SMC6: variants seen among roughly 807,000 people sequenced by gnomAD.
SMC6 encodes structural maintenance of chromosomes 6, also known as structural maintenance of chromosomes protein 6.
SMC6 carries 79 observed loss-of-function variants against 142.2 expected under a neutral mutation model. That is an observed-to-expected ratio of 0.56 (90% CI 0.46 to 0.67). The LOEUF is 0.67. SMC6 is among the 30% of genes least tolerant of loss of function. SMC6 has a pLI of 0.00. For synonymous variants in SMC6, 411 were observed against 412.4 expected, an observed-to-expected ratio of 1.00 and a Z score of 0.04; for missense variants, 1,072 against 1,284.0, an observed-to-expected ratio of 0.83 and a Z score of 2.52.
chr2:17,752,657 G>A lies in SMC6; in HGVS notation c.-6+321C>T, dbSNP rs548903727. On this transcript the variant is annotated intron_variant, in intron 2 of 27. Coordinates refer to ENST00000448223, the MANE Select transcript of SMC6 (RefSeq NM_001142286.2). ...TTCCAACATAAAATTAATACCCTAT[G>A]TTTCACGTAGAAATCAAATGAAATA... Among the ~76,000 whole-genome samples the A allele has an allele frequency of 2.6e-5, 4 of 152,250 alleles. No individual in the cohort carries two copies. The South Asian group carries it at 8.3e-4, about 32-fold the overall frequency.
intron 16 of SMC6, among the ~76,000 whole-genome samples, chr2:17,714,092 GT>G (rs10574833): frequency 0.32 from 44,741 of 138,804 alleles, 6,744 homozygotes; most frequent in African/African-American, 0.4. Flanking sequence ...TGTTTTTTTT[GT>G]TTTTTTTTTT....
chr2:17,752,039 T>C (rs1671066317), intron 2 of SMC6, among the ~76,000 whole-genome samples: 1 of 152,236 alleles, frequency 6.6e-6, no homozygotes, highest in Non-Finnish European at 1.5e-5. Flanking sequence ...CAATACTAAC[T>C]GGTTTATACG....
At chr2:17,702,856 C>T (rs1668337123) in intron 19 of SMC6, among the ~76,000 whole-genome samples, 1 of 152,216 alleles carries the variant, frequency 6.6e-6, no homozygotes. Context: ...CCATGTGAAA[C>T]TCTCAGTCCA....
At chr2:17,685,406 G>A (rs78765758) in intron 23 of SMC6, among the ~76,000 whole-genome samples, 1,944 of 152,146 alleles carry the variant, frequency 0.013, 21 homozygotes, top group East Asian at 0.03. Context: ...GAAAAAGTAT[G>A]AGCTAAGGAT....
chr2:17,719,551 G>T (rs1158357708), intron 11 of SMC6, among the ~76,000 whole-genome samples: 1 of 152,206 alleles, frequency 6.6e-6, no homozygotes, highest in Non-Finnish European at 1.5e-5. Context: ...TTAAAAAAGA[G>T]GTGAGCATCT....
In SMC6 at chr2:17,703,228, C is replaced by T. The variant is rs1065381; in HGVS notation, c.2071G>A (p.Ala691Thr). Residue 691 changes from alanine (A) to threonine (T), a missense_variant, in exon 19 of 28, where the codon GCC becomes ACC. Ala to Thr is a moderately conservative substitution (Grantham distance 58). Transcript: ENST00000448223. ...QILNLQQHLS[A>T]LEKDIKHNEE... ...TTGTGTTTAATATCTTTTTCAAGGG[C>T]AGATAAATGTTGCTGAAGATTTAAT... The T allele has an allele frequency of 0.3, 481,183 of 1,594,762 alleles. 78,156 individuals are homozygous for T. Among genetic ancestry groups the T allele is most frequent in the Non-Finnish European group, 0.33 (382,197 of 1,166,678 alleles).
chr2:17,704,067 A>T (rs1668393019), intron 18 of SMC6, among the ~76,000 whole-genome samples: 1 of 151,916 alleles, frequency 6.6e-6, no homozygotes, highest in Non-Finnish European at 1.5e-5. Flanking sequence ...ATAGTGGTAG[A>T]CAGAAGTAGA....
chr2:17,692,320 A>G (rs1289558172), intron 23 of SMC6, among the ~76,000 whole-genome samples: 5 of 152,252 alleles, frequency 3.3e-5, no homozygotes, highest in Non-Finnish European at 7.3e-5. Flanking sequence ...ACAAGGCTAC[A>G]GTAACCAAAA....
At chr2:17,686,422 C>T (rs771465538) in intron 23 of SMC6, among the ~76,000 whole-genome samples, 1 of 152,114 alleles carries the variant, frequency 6.6e-6, no homozygotes, top group Non-Finnish European at 1.5e-5. Flanking sequence ...GCAGAGGTTG[C>T]AGTGAGCCAA....
At chr2:17,671,626 A>G (rs1359394180) in intron 25 of SMC6, among the ~76,000 whole-genome samples, 1 of 151,168 alleles carries the variant, frequency 6.6e-6, no homozygotes, top group East Asian at 1.9e-4. Context: ...AAAAAAAAAA[A>G]AAAAAAATTT....
chr2:17,713,810 T>G (rs1248660076), intron 16 of SMC6, among the ~76,000 whole-genome samples: 3 of 152,242 alleles, frequency 2.0e-5, no homozygotes, highest in African/African-American at 7.2e-5. Context: ...TCCACGCATT[T>G]TGCACACAGA....
intron 21 of SMC6, among the ~76,000 whole-genome samples, chr2:17,699,599 A>T (rs2124930700): frequency 6.6e-6 from 1 of 152,226 alleles, no homozygotes; most frequent in East Asian, 1.9e-4. Context: ...ATTCTGTTAT[A>T]GTTTCACAGG....
At chr2:17,694,352 CAT>C (rs999789906) in intron 23 of SMC6, among the ~76,000 whole-genome samples, 6 of 152,152 alleles carry the variant, frequency 3.9e-5, no homozygotes, top group Admixed American at 2.6e-4. Flanking sequence ...AACATAAAGA[CAT>C]AATAAATGTT....
chr2:17,731,059 A>G lies in SMC6; in HGVS notation c.543+19T>C, dbSNP rs1214513173. 1.9e-6 allele frequency: 3 copies of G among 1,597,602 alleles called. No homozygotes were observed. The highest frequency in any genetic ancestry group is 2.6e-6 in the Non-Finnish European group (3 of 1,168,502). ...GACAAGGTGTATGAATTAATCTGAA[A>G]CACAAATTCACCAATTACCTGGATG... On this transcript the variant is annotated intron_variant, in intron 7 of 27. Coordinates refer to ENST00000448223, the MANE Select transcript of SMC6 (RefSeq NM_001142286.2).
chr2:17,672,229 C>T (rs570632957), intron 25 of SMC6, among the ~76,000 whole-genome samples: 3 of 152,258 alleles, frequency 2.0e-5, no homozygotes, highest in South Asian at 2.1e-4. Flanking sequence ...CTAGCTTTTA[C>T]CCTCTCATCT....
intron 23 of SMC6, among the ~76,000 whole-genome samples, chr2:17,684,173 C>G (rs1269465686): frequency 6.6e-6 from 1 of 152,166 alleles, no homozygotes; most frequent in Non-Finnish European, 1.5e-5. Flanking sequence ...TTAGAATCCA[C>G]CCTCCCCTGT....
intron 16 of SMC6, among the ~76,000 whole-genome samples, chr2:17,711,212 T>A (rs1668810650): frequency 6.6e-6 from 1 of 152,182 alleles, no homozygotes; most frequent in Non-Finnish European, 1.5e-5. Flanking sequence ...CACAACTACC[T>A]CTTCCTTTTG....
In SMC6 at chr2:17,716,158, G is replaced by C. The variant is rs1283073610; in HGVS notation, c.1453C>G (p.Pro485Ala). 2 of 1,612,190 alleles carry C rather than the reference G, an allele frequency of 1.2e-6. No homozygotes were observed. Among genetic ancestry groups the C allele is most frequent in the Admixed American group, 3.4e-5 (2 of 59,344 alleles). ...DRLKRFGPNVPALLEAIDDAY... is the reference protein window; with the variant it reads ...DRLKRFGPNVAALLEAIDDAY... ...TCATCTATGGCTTCAAGAAGAGCTG[G>C]AACATTAGGGCCAAATCTTTTGAGT... is the stretch of plus-strand genomic sequence containing the variant. The change falls in exon 15 of 28, where the codon CCA becomes GCA. Residue 485 changes from proline (P) to alanine (A), a missense_variant. By Grantham distance (27) the Pro-to-Ala change is conservative (BLOSUM62 -1). This residue lies in a region of SMC6 where 994 missense variants were observed against 1,153.2 expected (regional missense o/e 0.86). Transcript: ENST00000448223.
chr2:17,668,312 T>G (rs1200118041), intron 26 of SMC6, among the ~76,000 whole-genome samples: 1 of 152,214 alleles, frequency 6.6e-6, no homozygotes. Context: ...CTAACCCATT[T>G]TCAGCAATAG....
Sources: gnomAD v4.1 joint callset for allele counts (sites outside exome capture counted in the v4.1 genomes callset) on GRCh38, gnomAD v4.1.1 for gene constraint, gnomAD v4.1.1 regional missense constraint, MANE v1.5 for transcripts, NCBI Gene and HGNC (gene_info 2026-07-23, HGNC 2026-07-21) for gene names.